The following PUS7 variants were observed in gnomAD, a reference collection of about 807,000 sequenced individuals.
The protein encoded by PUS7 is pseudouridylate synthase 7 homolog.
PUS7 carries 48 observed loss-of-function variants against 79.8 expected under a neutral mutation model. The ratio of observed to expected loss-of-function variants is 0.60; its 90% CI spans 0.48 to 0.76. The LOEUF (loss-of-function observed/expected upper bound fraction) is 0.76, where lower values mean the gene tolerates loss of function less well. Ranked by LOEUF, PUS7 falls within the 30% of genes least tolerant of loss-of-function variation. The pLI is 0.00. For synonymous variants in PUS7, 286 were observed against 272.2 expected (o/e 1.05, Z -0.50); for missense variants, 729 against 797.6 (o/e 0.91, Z 1.04).
rs534141380 is a variant in PUS7, at chr7:105,512,265, C to T, written c.-32-3721G>A. Among the ~76,000 whole-genome samples the T allele has an allele frequency of 5.9e-5, 9 of 151,750 alleles. No individual in the cohort carries two copies. In the South Asian group the frequency reaches 1.9e-3, roughly 32 times the overall value. ...ACAACTGTAGTTACATAAAAGTATC[C>T]CTAATTCAAAGAAAAAAGCATTTAC... On this transcript the variant is annotated intron_variant, in intron 1 of 15. Coordinates refer to ENST00000469408, the MANE Select transcript of PUS7 (RefSeq NM_019042.5).
intron 12 of PUS7, among the ~76,000 whole-genome samples, chr7:105,465,919 A>G (rs1823624415): frequency 6.6e-6 from 1 of 152,180 alleles, no homozygotes; most frequent in Non-Finnish European, 1.5e-5. Flanking sequence ...GCACTCTGGG[A>G]TGCTGAGGTG....
In PUS7 at chr7:105,495,231, T is replaced by G; in HGVS notation, c.753A>C (p.Pro251=). Residue 251 remains proline, a synonymous_variant, in exon 6 of 16, where the codon CCA becomes CCC. Coordinates refer to ENST00000469408, the MANE Select transcript of PUS7 (RefSeq NM_019042.5). ...AGTGGCAGTAACTTCCCCTAGATTT[T>G]GGCCAAGAATGTTTTCTTGGATCTT... ...ALANPRKHSW[P]KSRGSYCHFV... 1 of 1,609,874 alleles carries G rather than the reference T, an allele frequency of 6.2e-7. No homozygotes were observed. Among genetic ancestry groups the G allele is most frequent in the Non-Finnish European group, 8.5e-7 (1 of 1,177,028 alleles).
intron 6 of PUS7, among the ~76,000 whole-genome samples, 170 bp from the exon 7 acceptor site, chr7:105,491,787 T>G (rs1317467760): frequency 6.6e-6 from 1 of 152,160 alleles, no homozygotes; most frequent in Non-Finnish European, 1.5e-5. Context: ...CTGGGCGCAG[T>G]GGCTCATGGT....
In PUS7 at chr7:105,511,442, T is replaced by A. The variant is rs1264208134; in HGVS notation, c.-32-2898A>T. Among the ~76,000 whole-genome samples the A allele has an allele frequency of 1.3e-3, 139 of 106,820 alleles. 1 individual carries two copies. Among genetic ancestry groups the A allele is most frequent in the South Asian group, 4.2e-3 (11 of 2,602 alleles). 70.1% of individuals were successfully genotyped at this position (106,820 alleles called of 152,430 possible). On this transcript the variant is annotated intron_variant, in intron 1 of 15. Transcript: ENST00000469408. ...GTACATTTAAGAATAAATTTTCATTTAAAAAAAAAAAAAAAAAGTGGTTGG... is the reference window on the plus strand; with the variant it reads ...GTACATTTAAGAATAAATTTTCATTAAAAAAAAAAAAAAAAAAGTGGTTGG...
chr7:105,476,974 TAA>T (rs2133110016), intron 9 of PUS7, among the ~76,000 whole-genome samples: 2 of 152,348 alleles, frequency 1.3e-5, no homozygotes, highest in African/African-American at 4.8e-5. Flanking sequence ...ATTCTAGATT[TAA>T]GTCTCTTATC....
intron 4 of PUS7, 51 bp from the exon 5 acceptor site, chr7:105,502,615 G>A: frequency 6.3e-7 from 1 of 1,584,880 alleles, no homozygotes. Context: ...ACATTAAATA[G>A]GGAAGTAATA....
chr7:105,519,011 G>A (rs1193637504), intron 1 of PUS7, among the ~76,000 whole-genome samples: 5 of 151,946 alleles, frequency 3.3e-5, no homozygotes, highest in African/African-American at 7.3e-5. Context: ...CTCATGATTC[G>A]CCCGCCTCGG....
chr7:105,470,201 CT>C (rs1823816933), intron 11 of PUS7: 1 of 152,124 alleles, frequency 6.6e-6, no homozygotes, highest in Non-Finnish European at 1.5e-5. Flanking sequence ...CATTTGTTAA[CT>C]TTAACTTTGT....
chr7:105,516,749 C>T (rs890191136), intron 1 of PUS7, among the ~76,000 whole-genome samples: 47 of 152,048 alleles, frequency 3.1e-4, no homozygotes, highest in African/African-American at 1.1e-3. Context: ...GCCAGTGCGC[C>T]CGGACTGGAA....
intron 1 of PUS7, among the ~76,000 whole-genome samples, chr7:105,519,847 A>C (rs1826035665): frequency 6.6e-6 from 1 of 152,188 alleles, no homozygotes; most frequent in South Asian, 2.1e-4. Flanking sequence ...ACAAGGAAGA[A>C]CCAGACAGGA....
intron 9 of PUS7, among the ~76,000 whole-genome samples, chr7:105,472,770 T>C (rs1823924941): frequency 6.6e-6 from 1 of 152,144 alleles, no homozygotes; most frequent in Admixed American, 6.5e-5. Context: ...TATTATTTTT[T>C]TGAAGTGGAG....
At chr7:105,478,324 T>C (rs955165420) in intron 9 of PUS7, among the ~76,000 whole-genome samples, 2 of 152,202 alleles carry the variant, frequency 1.3e-5, no homozygotes, top group African/African-American at 4.8e-5. Context: ...GATTTTCAGT[T>C]GTCCTCAGTA....
intron 11 of PUS7, among the ~76,000 whole-genome samples, chr7:105,469,601 A>G (rs1450886388): frequency 3.9e-5 from 6 of 152,214 alleles, no homozygotes; most frequent in African/African-American, 1.2e-4. Flanking sequence ...CTGGGATTAC[A>G]GGCGTCTGCC....
chr7:105,464,205 TTTTC>T (rs1202605902), intron 13 of PUS7, among the ~76,000 whole-genome samples: 1 of 151,152 alleles, frequency 6.6e-6, no homozygotes, highest in Non-Finnish European at 1.5e-5. Context: ...GAAAATAATG[TTTTC>T]TTTCTTATGA....
chr7:105,496,224 T>TAGAGAGAGAGAGAGAGAGAG (rs1562809031), intron 5 of PUS7, among the ~76,000 whole-genome samples: 2 of 83,980 alleles, frequency 2.4e-5, no homozygotes, highest in African/African-American at 4.6e-5. Flanking sequence ...TATATATATA[T>TAGAGAGAGAGAGAGAGAGAG]ATAGAGAGAG....
chr7:105,506,040 A>T lies in PUS7; in HGVS notation c.500T>A (p.Ile167Lys). Residue 167 changes from isoleucine (I) to lysine (K), a missense_variant, in exon 4 of 16, where the codon ATA (isoleucine) becomes AAA (lysine). Transcript: ENST00000469408. ...PVDEEDPSED[I>K]FTVLTAEEKQ... Reference sequence around the variant, plus strand: ...TTCTTCAGCTGTCAAAACTGTAAATATGTCTTCTGAAGGGTCCTTTAAAAT... The same window carrying T: ...TTCTTCAGCTGTCAAAACTGTAAATTTGTCTTCTGAAGGGTCCTTTAAAAT... The T allele has an allele frequency of 6.2e-7, 1 of 1,613,714 alleles. No individual in the cohort carries two copies. The highest frequency in any genetic ancestry group is 8.5e-7 in the Non-Finnish European group (1 of 1,179,820).
intron 2 of PUS7, among the ~76,000 whole-genome samples, 155 bp from the exon 3 acceptor site, chr7:105,506,428 CTTTTTTT>C (rs879854891): frequency 7.0e-6 from 1 of 142,812 alleles, no homozygotes; most frequent in Non-Finnish European, 1.5e-5. Context: ...TTTTTTTTTT[CTTTTTTT>C]TTTTTGAGAT....
In PUS7 at chr7:105,491,621, G is replaced by T. The variant is rs1222104837; in HGVS notation, c.843-4C>A. The T allele has an allele frequency of 5.8e-6, 9 of 1,543,452 alleles. 1 individual carries two copies. The South Asian group carries it at 9.0e-5, about 15-fold the overall frequency. The stretch of plus-strand genomic sequence containing the variant: ...GGAGAATATATTTGGCTTGACTCTG[G>T]TAAGAGAGAAACAAGATCATCTGAA... On this transcript the variant is annotated splice_region_variant and splice_polypyrimidine_tract_variant and intron_variant, in intron 6 of 15. Coordinates refer to ENST00000469408, the MANE Select transcript of PUS7 (RefSeq NM_019042.5).
chr7:105,458,113 C>G (rs1438062446), intron 15 of PUS7, among the ~76,000 whole-genome samples, 187 bp from the exon 16 acceptor site: 1 of 151,988 alleles, frequency 6.6e-6, no homozygotes, highest in Non-Finnish European at 1.5e-5. Flanking sequence ...TGAATGGTTA[C>G]AGAAATTCTG....
Sources: gnomAD v4.1 joint callset for allele counts (sites outside exome capture counted in the v4.1 genomes callset) on GRCh38, gnomAD v4.1.1 for gene constraint, MANE v1.5 for transcripts, NCBI Gene and HGNC (gene_info 2026-07-23, HGNC 2026-07-21) for gene names.